The following ZCCHC14 variants were observed in gnomAD, a reference collection of about 807,000 sequenced individuals.
The protein encoded by ZCCHC14 is zinc finger CCHC-type containing 14.
Under a neutral mutation model 85.0 loss-of-function variants are expected in ZCCHC14, and 16 were observed. That is an observed-to-expected ratio of 0.19 (90% CI 0.13 to 0.29). The LOEUF (loss-of-function observed/expected upper bound fraction) is 0.29. ZCCHC14 is among the 10% of genes least tolerant of loss of function. The pLI is 1.00. For synonymous variants in ZCCHC14, 775 were observed against 630.7 expected (o/e 1.23, Z -3.43); for missense variants, 1,303 against 1,443.5 (o/e 0.90, Z 1.58).
chr16:87,410,347 G>T lies in ZCCHC14; in HGVS notation c.3206-12C>A. The T allele has an allele frequency of 1.3e-6, 1 of 771,348 alleles. No homozygotes were observed. The highest frequency in any genetic ancestry group is 2.4e-6 in the Non-Finnish European group (1 of 414,666). The allele number at this position is 771,348 out of a possible 1,614,324, so 47.8% of individuals were successfully genotyped here. On this transcript the variant is annotated splice_polypyrimidine_tract_variant and intron_variant, in intron 12 of 12. Transcript: ENST00000671377. The stretch of plus-strand genomic sequence containing the variant: ...CAACCTAAAAGTACCTAGAGAGAGG[G>T]GAAAAAAGAGGTCAAATTTGAATGA...
chr16:87,414,625 C>T, intron 9 of ZCCHC14, 84 bp from the exon 10 acceptor site: 2 of 1,500,832 alleles, frequency 1.3e-6, no homozygotes, highest in Non-Finnish European at 8.9e-7. Flanking sequence ...GTCTACTCCA[C>T]ACCACAGGGC....
rs1341620693 is a variant in ZCCHC14, at chr16:87,491,906, G to A, written c.333C>T (p.His111=). 3.3e-6 allele frequency: 5 copies of A among 1,514,550 alleles called. No homozygotes were observed. Among genetic ancestry groups the A allele is most frequent in the Non-Finnish European group, 4.4e-6 (5 of 1,139,428 alleles). The allele number at this position is 1,514,550 out of a possible 1,614,324, so 93.8% of individuals were successfully genotyped here. The change falls in exon 1 of 13, where the codon CAC becomes CAT. Residue 111 remains histidine, a synonymous_variant. Transcript: ENST00000671377. The surrounding 1 kb of genome is among the most constrained non-coding windows in gnomAD (Gnocchi z 5.9). The part of the protein sequence containing the change: ...AAGVLYRTLT[H]IDSIIHNYGL... ...CGTAGTTGTGGATGATGGAGTCGAT[G>A]TGCGTGAGCGTGCGGTAGAGCACGC...
intron 2 of ZCCHC14, among the ~76,000 whole-genome samples, chr16:87,437,473 G>A (rs997567793): frequency 6.6e-6 from 1 of 152,054 alleles, no homozygotes; most frequent in Non-Finnish European, 1.5e-5. Context: ...ATTCACGTGC[G>A]TAAAAATGGC....
At chr16:87,410,613 G>A (rs756846889) in intron 12 of ZCCHC14, among the ~76,000 whole-genome samples, 3 of 152,340 alleles carry the variant, frequency 2.0e-5, no homozygotes, top group Non-Finnish European at 2.9e-5. Context: ...CACGTCAGGC[G>A]GGCTGCTCTA....
In ZCCHC14 at chr16:87,411,734, G is replaced by A. The variant is rs373986735; in HGVS notation, c.2987C>T (p.Thr996Ile). The A allele has an allele frequency of 6.2e-7, 1 of 1,613,932 alleles. No homozygotes were observed. The highest frequency in any genetic ancestry group is 2.2e-5 in the East Asian group (1 of 44,878). The stretch of plus-strand genomic sequence containing the variant: ...CTGCCCACTCAGGACAGGGTCTGGG[G>A]TCCCGCTGCTGCTGTAAGGGGCGTG... ...VVHAPYSSSG[T>I]PDPVLSGQST... Residue 996 changes from threonine (T) to isoleucine (I), a missense_variant, in exon 12 of 13, where the codon ACC (threonine) becomes ATC (isoleucine). Physicochemically the swap from Thr to Ile is moderately conservative, Grantham distance 89. This residue lies in a region of ZCCHC14 where 797 missense variants were observed against 730.8 expected (regional missense o/e 1.09). Transcript: ENST00000671377.
chr16:87,453,910 A>C (rs980162151), intron 2 of ZCCHC14, among the ~76,000 whole-genome samples: 2 of 152,236 alleles, frequency 1.3e-5, no homozygotes, highest in African/African-American at 2.4e-5. Flanking sequence ...AAAGATGTAA[A>C]AACAAAAATG....
At chr16:87,434,229 C>T (rs896662721) in intron 2 of ZCCHC14, among the ~76,000 whole-genome samples, 5 of 152,140 alleles carry the variant, frequency 3.3e-5, no homozygotes, top group African/African-American at 1.2e-4. Context: ...TTAAATGAGC[C>T]CAAATATCTG....
chr16:87,423,973 GT>G, intron 3 of ZCCHC14, 92 bp from the exon 4 acceptor site: 1 of 1,390,188 alleles, frequency 7.2e-7, no homozygotes, highest in Non-Finnish European at 9.9e-7. Context: ...CACACGTTCA[GT>G]CGGCAGCTGA....
At chr16:87,489,707 G>C (rs764472165) in intron 1 of ZCCHC14, among the ~76,000 whole-genome samples, 3 of 152,216 alleles carry the variant, frequency 2.0e-5, no homozygotes, top group Non-Finnish European at 4.4e-5. Flanking sequence ...GGGGTGAGCA[G>C]AGAGGAATAG....
At chr16:87,458,902 G>A (rs1466458158) in intron 2 of ZCCHC14, among the ~76,000 whole-genome samples, 2 of 152,146 alleles carry the variant, frequency 1.3e-5, no homozygotes, top group East Asian at 1.9e-4. Context: ...GCGCCACCCT[G>A]GTCTCTGTCT....
Position 87,412,227 on chromosome 16 carries a change from G to T in ZCCHC14, c.2494C>A (p.Pro832Thr), listed in dbSNP as rs750067016. The change falls in exon 12 of 13, where the codon CCC (proline) becomes ACC (threonine). Residue 832 changes from proline to threonine, a missense_variant. Around this residue, in one of 7 missense-constraint regions of ZCCHC14, gnomAD observed 797 missense variants for 730.8 expected, o/e 1.09. Transcript: ENST00000671377. ...FSAMSSMPVG[P>T]LQGGFCANSN... ...TTTGCACAGAAGCCACCCTGCAGGG[G>T]GCCCACTGGCATACTGCTCATTGCA... The T allele has an allele frequency of 6.2e-7, 1 of 1,612,522 alleles. No homozygotes were observed. Among genetic ancestry groups the T allele is most frequent in the Non-Finnish European group, 8.5e-7 (1 of 1,178,786 alleles).
At chr16:87,440,881 C>T (rs768074884) in intron 2 of ZCCHC14, among the ~76,000 whole-genome samples, 3 of 152,166 alleles carry the variant, frequency 2.0e-5, no homozygotes, top group Non-Finnish European at 2.9e-5. Context: ...TCCCAAAGTA[C>T]TGGGCTTACA....
chr16:87,458,565 T>C (rs1260199836), intron 2 of ZCCHC14, among the ~76,000 whole-genome samples: 1 of 152,038 alleles, frequency 6.6e-6, no homozygotes, highest in Non-Finnish European at 1.5e-5. Context: ...CTGCAGCTGC[T>C]GGGGAAATGG....
intron 1 of ZCCHC14, among the ~76,000 whole-genome samples, chr16:87,479,883 C>T (rs1167056760): frequency 4.6e-5 from 7 of 152,022 alleles, no homozygotes; most frequent in Non-Finnish European, 1.0e-4. Context: ...GCCCAACTCT[C>T]GTGTTAGAGA....
intron 2 of ZCCHC14, among the ~76,000 whole-genome samples, chr16:87,459,495 C>A (rs1911148031): frequency 1.3e-5 from 2 of 151,308 alleles, no homozygotes; most frequent in African/African-American, 4.8e-5. Flanking sequence ...CAAGCGTGCA[C>A]CACCAGGCCT....
intron 1 of ZCCHC14, among the ~76,000 whole-genome samples, chr16:87,464,330 CG>C (rs1911418673): frequency 6.6e-6 from 1 of 152,158 alleles, no homozygotes; most frequent in South Asian, 2.1e-4. Flanking sequence ...TTTCTGGAAA[CG>C]GGGCTTCTTT....
rs1182085319 is a variant in ZCCHC14 at position 87,431,209 on chromosome 16, C to T, written c.768+1919G>A. 2.0e-5 allele frequency among the ~76,000 whole-genome samples: 3 copies of T among 151,732 alleles called. No individual in the cohort carries two copies. In the East Asian group the frequency reaches 5.8e-4, roughly 30 times the overall value. ...AAAGAAAAGGCCAGGTACAGTGGCT[C>T]ACGCCTGTAATCCCAGCACTTTGGG... On this transcript the variant is annotated intron_variant, in intron 3 of 12. Coordinates refer to ENST00000671377, the MANE Select transcript of ZCCHC14 (RefSeq NM_015144.3).
chr16:87,459,326 G>A (rs1332209562), intron 2 of ZCCHC14, among the ~76,000 whole-genome samples: 2 of 151,732 alleles, frequency 1.3e-5, no homozygotes, highest in Non-Finnish European at 2.9e-5. Flanking sequence ...GGGGAGGAGG[G>A]TGTAAAACTT....
At chr16:87,448,856 C>T (rs773057800) in intron 2 of ZCCHC14, among the ~76,000 whole-genome samples, 6 of 152,224 alleles carry the variant, frequency 3.9e-5, no homozygotes, top group Non-Finnish European at 7.3e-5. Flanking sequence ...CTTTACCCCT[C>T]GTCACACTGA....
Sources: gnomAD v4.1 joint callset for allele counts (sites outside exome capture counted in the v4.1 genomes callset) on GRCh38, gnomAD v4.1.1 for gene constraint, gnomAD v4.1.1 regional missense constraint, Gnocchi (gnomAD v3.1) non-coding constraint, MANE v1.5 for transcripts, NCBI Gene and HGNC (gene_info 2026-07-23, HGNC 2026-07-21) for gene names.